The following MAST2 variants were observed in gnomAD, a reference collection of about 807,000 sequenced individuals.
MAST2 encodes the protein microtubule associated serine/threonine kinase 2, also known as microtubule-associated serine/threonine-protein kinase 2.
A neutral mutation model predicts 147.4 loss-of-function variants in MAST2; 70 were observed. The observed-to-expected ratio is 0.47, with a 90% CI of 0.39 to 0.58. The LOEUF is 0.58. MAST2 is among the 20% of genes least tolerant of loss of function. MAST2 has a pLI of 0.00. For missense variants in MAST2, 2,080 were observed against 2,302.3 expected, an observed-to-expected ratio of 0.90 and a Z score of 1.98; for synonymous variants, 869 against 896.8, an observed-to-expected ratio of 0.97 and a Z score of 0.55.
intron 4 of MAST2, among the ~76,000 whole-genome samples, chr1:45,918,905 G>A (rs1653003190): frequency 6.6e-6 from 1 of 151,050 alleles, no homozygotes; most frequent in Non-Finnish European, 1.5e-5. Context: ...TTGAGTTCAA[G>A]ACCACTCACA....
intron 26 of MAST2, 49 bp from the exon 27 acceptor site, chr1:46,033,753 G>T: frequency 6.3e-7 from 1 of 1,597,172 alleles, no homozygotes; most frequent in South Asian, 1.1e-5. Context: ...GAGGGGAGGG[G>T]CAAGAATATG....
intron 4 of MAST2, among the ~76,000 whole-genome samples, chr1:45,886,313 TAC>T (rs56032969): frequency 0.05 from 7,340 of 145,506 alleles, 312 homozygotes; most frequent in African/African-American, 0.11. Flanking sequence ...TATCTATAAG[TAC>T]ACACACACAC....
intron 3 of MAST2, among the ~76,000 whole-genome samples, chr1:45,853,038 C>T (rs1300676961): frequency 6.6e-6 from 1 of 152,086 alleles, no homozygotes; most frequent in African/African-American, 2.4e-5. Flanking sequence ...TAAAGTGATT[C>T]TCATACCTCA....
At chr1:45,956,276 A>G (rs904579628) in intron 4 of MAST2, among the ~76,000 whole-genome samples, 26 of 152,248 alleles carry the variant, frequency 1.7e-4, no homozygotes, top group African/African-American at 6.3e-4. Flanking sequence ...TATTGTCAAC[A>G]CTTCAAACCT....
intron 3 of MAST2, among the ~76,000 whole-genome samples, chr1:45,853,360 A>T (rs4443837): frequency 1 from 151,976 of 152,210 alleles, 75,875 homozygotes; most frequent in Non-Finnish European, 1. Context: ...TTTTAAAAAT[A>T]ATTATTGTTT....
At position 46,025,684 on chromosome 1, in the gene MAST2, C is replaced by T. The variant is rs1466550592; in HGVS notation, c.1788C>T (p.Asp596=). ...CMVMEYVEGG[D]CATLLKNIGA... ...AGCCTGGGCTTGTTGCAGGGGGAGA[C>T]TGTGCCACTCTGCTGAAGAATATTG... Residue 596 remains aspartate, a synonymous_variant, in exon 16 of 29, where the codon GAC becomes GAT. Coordinates refer to ENST00000361297, the MANE Select transcript of MAST2 (RefSeq NM_015112.3). 1.2e-6 allele frequency: 2 copies of T among 1,614,116 alleles called. No individual in the cohort carries two copies. The highest frequency in any genetic ancestry group is 2.2e-5 in the East Asian group (1 of 44,886).
At chr1:45,906,684 ATAAT>A (rs1453043662) in intron 4 of MAST2, among the ~76,000 whole-genome samples, 2 of 148,840 alleles carry the variant, frequency 1.3e-5, no homozygotes, top group African/African-American at 4.9e-5. Flanking sequence ...GTAACATATA[ATAAT>A]TATATTATAT....
chr1:45,977,739 G>T (rs922393117), intron 5 of MAST2, among the ~76,000 whole-genome samples: 10 of 149,454 alleles, frequency 6.7e-5, no homozygotes, highest in African/African-American at 2.5e-4. Flanking sequence ...GGCGGAGGTT[G>T]CAGTGAGTCA....
chr1:45,923,168 G>T (rs533892684), intron 4 of MAST2, among the ~76,000 whole-genome samples: 4 of 152,256 alleles, frequency 2.6e-5, no homozygotes, highest in African/African-American at 9.6e-5. Context: ...ACTGGCGGAC[G>T]GCTCAGCTCA....
At chr1:45,817,864 T>G (rs1644503761) in intron 1 of MAST2, among the ~76,000 whole-genome samples, 1 of 152,228 alleles carries the variant, frequency 6.6e-6, no homozygotes, top group Non-Finnish European at 1.5e-5. Context: ...ACATCTTTAT[T>G]AATCAAAATA....
chr1:45,925,153 A>G (rs758232498), intron 4 of MAST2, among the ~76,000 whole-genome samples: 1 of 152,174 alleles, frequency 6.6e-6, no homozygotes, highest in Non-Finnish European at 1.5e-5. Flanking sequence ...TATTGACTGT[A>G]TCTTAGGGAT....
At chr1:45,986,937 G>A (rs1424047223) in intron 5 of MAST2, among the ~76,000 whole-genome samples, 1 of 152,138 alleles carries the variant, frequency 6.6e-6, no homozygotes, top group Non-Finnish European at 1.5e-5. Context: ...TTCTGGAAGT[G>A]TGTAGAATTG....
intron 10 of MAST2, among the ~76,000 whole-genome samples, chr1:46,018,833 A>G (rs1341427731): frequency 2.0e-5 from 3 of 152,162 alleles, no homozygotes; most frequent in Non-Finnish European, 4.4e-5. Context: ...CAGATACCCA[A>G]GAGACTCTCA....
chr1:45,886,223 T>C (rs2148344663), intron 4 of MAST2, among the ~76,000 whole-genome samples: 1 of 148,252 alleles, frequency 6.7e-6, no homozygotes, highest in African/African-American at 2.4e-5. Context: ...TCGATAAATA[T>C]ATATGTATAT....
At chr1:45,859,386 C>T (rs970308802) in intron 3 of MAST2, among the ~76,000 whole-genome samples, 1 of 152,226 alleles carries the variant, frequency 6.6e-6, no homozygotes, top group Non-Finnish European at 1.5e-5. Flanking sequence ...AGGCATGAGC[C>T]ACCACGCCTG....
intron 9 of MAST2, among the ~76,000 whole-genome samples, chr1:46,009,220 A>G (rs571086824): frequency 2.6e-5 from 4 of 151,882 alleles, no homozygotes; most frequent in Admixed American, 6.6e-5. Context: ...ACGCCCGGCT[A>G]ATTTTTGTAT....
At chr1:45,893,996 C>G (rs977799656) in intron 4 of MAST2, among the ~76,000 whole-genome samples, 10 of 152,104 alleles carry the variant, frequency 6.6e-5, no homozygotes, top group Middle Eastern at 3.2e-3. Context: ...GGGAGGATTG[C>G]TTGAGCTCAG....
chr1:45,840,286 G>T (rs1645233864), intron 3 of MAST2, among the ~76,000 whole-genome samples: 1 of 152,140 alleles, frequency 6.6e-6, no homozygotes, highest in Admixed American at 6.5e-5. Flanking sequence ...ACCTTTGGAG[G>T]TAGAAATCTA....
intron 9 of MAST2, among the ~76,000 whole-genome samples, chr1:46,009,704 A>C (rs1645636490): frequency 6.6e-6 from 1 of 152,140 alleles, no homozygotes; most frequent in African/African-American, 2.4e-5. Flanking sequence ...TATAGGATGA[A>C]CTATTGTTGG....
Sources: allele counts gnomAD v4.1 joint callset (sites outside exome capture counted in the v4.1 genomes callset), GRCh38; gene constraint gnomAD v4.1.1; transcripts MANE v1.5; gene names NCBI Gene and HGNC (gene_info 2026-07-23, HGNC 2026-07-21).